HHIPL1: variants seen among roughly 807,000 people sequenced by gnomAD.
HHIPL1 encodes HHIP-like protein 1.
Under a neutral mutation model 61.8 loss-of-function variants are expected in HHIPL1, and 43 were observed. That is an observed-to-expected ratio of 0.70 (90% CI 0.55 to 0.90). The LOEUF (loss-of-function observed/expected upper bound fraction) is 0.90. HHIPL1 is among the 40% of genes least tolerant of loss of function. HHIPL1 has a pLI of 0.00. For synonymous variants in HHIPL1, 482 were observed against 515.8 expected (o/e 0.93, Z 0.89); for missense variants, 1,056 against 1,157.7 (o/e 0.91, Z 1.28).
the HHIPL1 span, among the ~76,000 whole-genome samples, chr14:99,622,548 T>G: frequency 6.6e-6 from 1 of 152,156 alleles, no homozygotes; most frequent in South Asian, 2.1e-4. Context: ...TGCCAGGACA[T>G]AGCTTTATGA....
chr14:99,656,478 TGA>T (rs1174026514), intron 2 of HHIPL1, among the ~76,000 whole-genome samples: 4 of 152,036 alleles, frequency 2.6e-5, no homozygotes, highest in African/African-American at 9.7e-5. Context: ...GTAAAGGATA[TGA>T]AAAGTCTTTT....
the HHIPL1 span, among the ~76,000 whole-genome samples, chr14:99,617,937 G>T: frequency 6.6e-6 from 1 of 152,192 alleles, no homozygotes; most frequent in Non-Finnish European, 1.5e-5. Flanking sequence ...ATGTTTGGGG[G>T]TCTGTAGCAG....
chr14:99,645,148 G>A lies in HHIPL1; in HGVS notation c.-60G>A, dbSNP rs1345338286. On this transcript the variant is annotated 5_prime_UTR_variant, in exon 1 of 9. Coordinates refer to ENST00000330710, the MANE Select transcript of HHIPL1 (RefSeq NM_001127258.3). ...GCCCGCCCCTTCCCTGCCGCCGCGA[G>A]CGCCCCGGGAGGGGACCGGGGCTGC... 8.1e-7 allele frequency: 1 copy of A among 1,238,104 alleles called. No homozygotes were observed. Among genetic ancestry groups the A allele is most frequent in the Non-Finnish European group, 1.0e-6 (1 of 990,376 alleles). The allele number at this position is 1,238,104 out of a possible 1,614,324, so 76.7% of individuals were successfully genotyped here.
Position 99,652,354 on chromosome 14 carries a change from T to C in HHIPL1, c.386T>C (p.Leu129Pro), listed in dbSNP as rs755905745. The C allele has an allele frequency of 6.2e-7, 1 of 1,614,214 alleles. No individual in the cohort carries two copies. Among genetic ancestry groups the C allele is most frequent in the Non-Finnish European group, 8.5e-7 (1 of 1,180,042 alleles). Residue 129 changes from leucine (L) to proline (P), a missense_variant, in exon 2 of 9, where the codon CTG becomes CCG. By Grantham distance (98) the Leu-to-Pro change is moderately conservative. Transcript: ENST00000330710. Reference protein sequence around the residue: ...WHKCRGLFRHLSTDQELWALE... With the variant: ...WHKCRGLFRHPSTDQELWALE... ...AAGTGCCGGGGGCTGTTCCGTCACC[T>C]GTCAACTGACCAGGAGCTCTGGGCG...
At position 99,680,360 on chromosome 14, in the gene HHIPL1, G is replaced by A. The variant is rs1460640380; in HGVS notation, c.*4734G>A. 1 of 152,174 alleles carries A rather than the reference G, an allele frequency of 6.6e-6. No individual in the cohort carries two copies. The highest frequency in any genetic ancestry group is 2.1e-4 in the South Asian group (1 of 4,830). 9.4% of individuals were successfully genotyped at this position (152,174 alleles called of 1,614,324 possible). Reference sequence around the variant, plus strand: ...TTCTACAGGGCTGCTTAAAACACAGGTTGCTGGGTCCTGTCTCTCAGAGTT... The same window carrying A: ...TTCTACAGGGCTGCTTAAAACACAGATTGCTGGGTCCTGTCTCTCAGAGTT... On this transcript the variant is annotated 3_prime_UTR_variant, in exon 9 of 9. Coordinates refer to ENST00000330710, the MANE Select transcript of HHIPL1 (RefSeq NM_001127258.3).
rs367728481 is a variant in HHIPL1 at position 99,675,070 on chromosome 14, G to A, written c.1814-21G>A. The A allele has an allele frequency of 4.5e-4, 513 of 1,135,760 alleles. 13 individuals carry two copies. The South Asian group carries it at 0.013, about 29-fold the overall frequency. The allele number at this position is 1,135,760 out of a possible 1,614,324, so 70.4% of individuals were successfully genotyped here. On this transcript the variant is annotated intron_variant, in intron 8 of 8. Transcript: ENST00000330710. This position sits in a 1 kb window ranked among gnomAD's most constrained non-coding sequence, Gnocchi z 5.4. ...CAGGGGCGCCTGGGTCCCTCTGACG[G>A]CATACTCTTCCTCTGCGCAGAGTTC...
chr14:99,634,980 T>C, the HHIPL1 span, among the ~76,000 whole-genome samples: 3 of 152,200 alleles, frequency 2.0e-5, no homozygotes, highest in Admixed American at 6.5e-5. Flanking sequence ...AACGTGAGGT[T>C]GGTCTTGTGT....
At chr14:99,616,188 C>T in the HHIPL1 span, among the ~76,000 whole-genome samples, 16 of 152,296 alleles carry the variant, frequency 1.1e-4, no homozygotes, top group African/African-American at 3.1e-4. Flanking sequence ...ACAGTTCCTA[C>T]GATATTCAGT....
At position 99,675,482 on chromosome 14, in the gene HHIPL1, G is replaced by C; in HGVS notation, c.2205G>C (p.Ser735=). ...GAGCCGAGTTCGGCCAGGGCGGCTCGCTGCCCATTCTGCTGGACGATGTGC... is the reference window on the plus strand; with the variant it reads ...GAGCCGAGTTCGGCCAGGGCGGCTCCCTGCCCATTCTGCTGGACGATGTGC... ...VKRAEFGQGG[S]LPILLDDVRC... The change falls in exon 9 of 9, where the codon TCG becomes TCC. Residue 735 remains serine (S), a synonymous_variant. Transcript: ENST00000330710. This position sits in a 1 kb window ranked among gnomAD's most constrained non-coding sequence, Gnocchi z 5.4. 2 of 1,542,046 alleles carry C rather than the reference G, an allele frequency of 1.3e-6. No homozygotes were observed. The highest frequency in any genetic ancestry group is 2.4e-5 in the East Asian group (1 of 40,870).
upstream of HHIPL1, among the ~76,000 whole-genome samples, chr14:99,640,779 A>T (rs2055739710): frequency 1.3e-5 from 2 of 151,192 alleles, no homozygotes; most frequent in South Asian, 4.2e-4. Flanking sequence ...CATTGCTGTC[A>T]TCCATTTCAC....
At chr14:99,609,715 T>C in the HHIPL1 span, among the ~76,000 whole-genome samples, 49 of 152,220 alleles carry the variant, frequency 3.2e-4, no homozygotes, top group Non-Finnish European at 6.5e-4. Flanking sequence ...ATCCCCACTG[T>C]TAACCATCGT....
At position 99,645,209 on chromosome 14, in the gene HHIPL1, T is replaced by TGGCCC. The variant is rs2055808318; in HGVS notation, c.5_9dup (p.Ala4_?3). On this transcript the variant is annotated frameshift_variant and start_lost, in exon 1 of 9. Transcript: ENST00000330710. LOFTEE classifies it high-confidence loss of function. ...CCTCTTCCCCCGCGGGGCGTAGCGA[T>TGGCCC]GGCCCGGGCCAGGGCCGGGGCGCTG... The TGGCCC allele has an allele frequency of 5.5e-6, 7 of 1,283,424 alleles. No individual in the cohort carries two copies. The highest frequency in any genetic ancestry group is 6.9e-6 in the Non-Finnish European group (7 of 1,016,086). The allele number at this position is 1,283,424 out of a possible 1,614,324, so 79.5% of individuals were successfully genotyped here.
the HHIPL1 span, among the ~76,000 whole-genome samples, chr14:99,612,539 A>G: frequency 6.6e-6 from 1 of 152,230 alleles, no homozygotes; most frequent in Non-Finnish European, 1.5e-5. Context: ...ACAATGTAAC[A>G]TGATTTATGC....
chr14:99,615,371 A>C, the HHIPL1 span, among the ~76,000 whole-genome samples: 1 of 152,028 alleles, frequency 6.6e-6, no homozygotes, highest in African/African-American at 2.4e-5. Flanking sequence ...ACATGAGGAA[A>C]CCCTATCTCT....
intron 8 of HHIPL1, among the ~76,000 whole-genome samples, chr14:99,673,059 G>A (rs2056342656): frequency 6.6e-6 from 1 of 152,188 alleles, no homozygotes; most frequent in Admixed American, 6.5e-5. Flanking sequence ...TCAAAGTGTT[G>A]GCGACTAGTT....
chr14:99,663,427 G>A (rs8011125), intron 6 of HHIPL1, among the ~76,000 whole-genome samples: 4,535 of 152,256 alleles, frequency 0.03, 218 homozygotes, highest in African/African-American at 0.1. Context: ...ACTTCCTGAC[G>A]TTGCCATGGC....
intron 3 of HHIPL1, among the ~76,000 whole-genome samples, chr14:99,658,200 T>A (rs942925587): frequency 2.0e-5 from 3 of 152,190 alleles, no homozygotes; most frequent in African/African-American, 7.2e-5. Context: ...TGTTTAGAGA[T>A]GAAGTTGAGA....
Position 99,659,481 on chromosome 14 carries a change from G to A in HHIPL1, c.1100G>A (p.Gly367Asp), listed in dbSNP as rs947142020. 2.0e-6 allele frequency: 3 copies of A among 1,534,040 alleles called. No individual in the cohort carries two copies. The highest frequency in any genetic ancestry group is 2.6e-6 in the Non-Finnish European group (3 of 1,145,492). Residue 367 changes from glycine (G) to aspartate (D), a missense_variant, in exon 4 of 9, where the codon GGC (glycine) becomes GAC (aspartate). By Grantham distance (94) the Gly-to-Asp change is moderately conservative (BLOSUM62 -1). Coordinates refer to ENST00000330710, the MANE Select transcript of HHIPL1 (RefSeq NM_001127258.3). ...LRIDVDRKERGLPYGIPPDNP... is the reference protein window; with the variant it reads ...LRIDVDRKERDLPYGIPPDNP... ...ATCGACGTGGACCGTAAGGAGCGCG[G>A]CCTGCCCTACGGCATCCCGCCCGAC...
intron 4 of HHIPL1, 128 bp downstream of exon 4, chr14:99,659,884 C>A: frequency 1.5e-6 from 1 of 671,910 alleles, no homozygotes; most frequent in Non-Finnish European, 2.3e-6. Flanking sequence ...CTGAGTCTGT[C>A]CTCGGCCCCA....
Sources: gnomAD v4.1 joint callset for allele counts (sites outside exome capture counted in the v4.1 genomes callset) on GRCh38, gnomAD v4.1.1 for gene constraint, Gnocchi (gnomAD v3.1) non-coding constraint, MANE v1.5 for transcripts, NCBI Gene and HGNC (gene_info 2026-07-23, HGNC 2026-07-21) for gene names.